ZEB2: variants seen among roughly 807,000 people sequenced by gnomAD.
ZEB2 encodes zinc finger E-box binding homeobox 2, also known as zinc finger E-box-binding homeobox 2.
ZEB2 carries 6 observed loss-of-function variants against 99.9 expected under a neutral mutation model. That is an observed-to-expected ratio of 0.06 (90% CI 0.03 to 0.12). The LOEUF (loss-of-function observed/expected upper bound fraction) is 0.12, where lower values mean the gene tolerates loss of function less well. Ranked by LOEUF, ZEB2 falls within the 10% of genes least tolerant of loss-of-function variation. The pLI is 1.00. For synonymous variants in ZEB2, 517 were observed against 542.5 expected, an observed-to-expected ratio of 0.95 and a Z score of 0.65; for missense variants, 969 against 1,502.8, an observed-to-expected ratio of 0.64 and a Z score of 5.87.
intron 9 of ZEB2, among the ~76,000 whole-genome samples, chr2:144,396,177 AT>A: frequency 6.6e-6 from 1 of 152,304 alleles, no homozygotes; most frequent in East Asian, 1.9e-4. Flanking sequence ...TAATTTCTAA[AT>A]TTGGTTTACA....
rs1353718600 is a variant in ZEB2 at position 144,518,187 on chromosome 2, A to AT, written c.-69-769dup. ...GGTTCCCTTAAATAGTTCCAGTAGA[A>AT]TTTTTTTTTTCCCTTAAGAAAGGAA... is the stretch of plus-strand genomic sequence containing the variant. On this transcript the variant is annotated intron_variant, in intron 1 of 9. Transcript: ENST00000627532. 5.3e-4 allele frequency: 78 copies of AT among 146,670 alleles called. No homozygotes were observed. In the South Asian group the frequency reaches 5.3e-3, roughly 10 times the overall value. 9.1% of individuals were successfully genotyped at this position (146,670 alleles called of 1,614,324 possible). A position where few individuals can be genotyped will look rare whatever the true frequency, so the allele number is the denominator to read the frequency against.
chr2:144,505,745 GA>G (rs1704944770), intron 2 of ZEB2, among the ~76,000 whole-genome samples: 1 of 152,158 alleles, frequency 6.6e-6, no homozygotes, highest in Non-Finnish European at 1.5e-5. Flanking sequence ...ACTGTGGCCA[GA>G]AGCCCTATCA....
chr2:144,488,662 C>CGTATGTGAGT (rs1704632529), intron 2 of ZEB2, among the ~76,000 whole-genome samples: 2 of 83,548 alleles, frequency 2.4e-5, no homozygotes, highest in African/African-American at 7.7e-5. Flanking sequence ...GATAATTGCT[C>CGTATGTGAGT]GTGTGTGAGT....
intron 2 of ZEB2, among the ~76,000 whole-genome samples, chr2:144,460,911 G>A (rs931801823): frequency 2.0e-5 from 3 of 151,938 alleles, no homozygotes; most frequent in Non-Finnish European, 4.4e-5. Flanking sequence ...ATGCTACTTT[G>A]TTTGATGTAC....
At chr2:144,492,579 C>A (rs897738452) in intron 2 of ZEB2, among the ~76,000 whole-genome samples, 1 of 152,088 alleles carries the variant, frequency 6.6e-6, no homozygotes, top group African/African-American at 2.4e-5. Flanking sequence ...AATTTGAGCC[C>A]AGATGTCCAA....
intron 3 of ZEB2, chr2:144,427,483 G>C (rs1703705123): frequency 1.3e-5 from 2 of 152,100 alleles, no homozygotes. Flanking sequence ...CAGGCACCGG[G>C]GATAAAACAC....
In ZEB2 at chr2:144,398,908, A is replaced by T; in HGVS notation, c.2279T>A (p.Leu760Gln). 1.2e-6 allele frequency: 2 copies of T among 1,614,172 alleles called. No homozygotes were observed. The highest frequency in any genetic ancestry group is 1.7e-6 in the Non-Finnish European group (2 of 1,180,032). Residue 760 changes from leucine to glutamine, a missense_variant, in exon 8 of 10, where the codon CTA becomes CAA. Physicochemically the swap from Leu to Gln is moderately radical, Grantham distance 113. This residue lies in a region of ZEB2 where 346 missense variants were observed against 460.0 expected (regional missense o/e 0.75). Transcript: ENST00000627532. ...SVTNCDPPLR[L>Q]TKPSHFTNIK... ...ATTGGTAAAATGGGAAGGTTTTGTTAGCCTGAGAGGAGGATCACAATTCGT... is the reference window on the plus strand; with the variant it reads ...ATTGGTAAAATGGGAAGGTTTTGTTTGCCTGAGAGGAGGATCACAATTCGT...
At chr2:144,517,829 C>A in intron 1 of ZEB2, 1 of 579,284 alleles carries the variant, frequency 1.7e-6, no homozygotes, top group Admixed American at 2.8e-5. Context: ...CTTTTCTCAT[C>A]CCCCCACCCC....
intron 2 of ZEB2, among the ~76,000 whole-genome samples, chr2:144,432,333 A>G (rs1031968820): frequency 2.6e-5 from 4 of 152,222 alleles, no homozygotes; most frequent in African/African-American, 9.6e-5. Flanking sequence ...AAATTCACTT[A>G]CAGAGGCAGT....
At chr2:144,484,858 C>T (rs1704571878) in intron 2 of ZEB2, among the ~76,000 whole-genome samples, 1 of 151,914 alleles carries the variant, frequency 6.6e-6, no homozygotes, top group Non-Finnish European at 1.5e-5. Flanking sequence ...AAAAAAAAAG[C>T]AACTGTCAAA....
At chr2:144,418,712 A>AC (rs1703578456) in intron 4 of ZEB2, among the ~76,000 whole-genome samples, 1 of 150,556 alleles carries the variant, frequency 6.6e-6, no homozygotes, top group African/African-American at 2.5e-5. Flanking sequence ...CAAACAAAAA[A>AC]AAAAAAAAAC....
chr2:144,429,646 T>C, intron 3 of ZEB2, 123 bp downstream of exon 3: 2 of 1,493,188 alleles, frequency 1.3e-6, no homozygotes, highest in East Asian at 4.6e-5. Context: ...ATCTCTATTC[T>C]GCAAGGGCTC....
At chr2:144,479,690 G>GGGA (rs1459031216) in intron 2 of ZEB2, among the ~76,000 whole-genome samples, 1 of 109,576 alleles carries the variant, frequency 9.1e-6, no homozygotes, top group African/African-American at 3.3e-5. Flanking sequence ...TTTTGGGGGG[G>GGGA]GGGGCGGGGG....
intron 2 of ZEB2, chr2:144,448,657 GA>G (rs1228025355): frequency 3.3e-5 from 5 of 152,332 alleles, no homozygotes; most frequent in African/African-American, 1.2e-4. Flanking sequence ...AAAATCTGGA[GA>G]GGGGGCGTGG....
At chr2:144,501,799 A>G (rs1255139700) in intron 2 of ZEB2, among the ~76,000 whole-genome samples, 1 of 152,324 alleles carries the variant, frequency 6.6e-6, no homozygotes, top group East Asian at 1.9e-4. Context: ...TGGAGATTAC[A>G]TGTCTAAATC....
At chr2:144,495,377 A>C (rs1704743667) in intron 2 of ZEB2, 2 of 152,228 alleles carry the variant, frequency 1.3e-5, no homozygotes, top group South Asian at 4.1e-4. Flanking sequence ...TTATTAAAAC[A>C]ATTGTAGAAA....
chr2:144,422,292 T>C (rs1354413119), intron 4 of ZEB2, among the ~76,000 whole-genome samples: 1 of 152,194 alleles, frequency 6.6e-6, no homozygotes, highest in Non-Finnish European at 1.5e-5. Context: ...AGAAATTGCC[T>C]CCTAGGACTC....
chr2:144,513,619 G>C lies in ZEB2; in HGVS notation c.73+3659C>G, dbSNP rs767079329. 6 of 1,531,762 alleles carry C rather than the reference G, an allele frequency of 3.9e-6. No homozygotes were observed. The South Asian group carries it at 6.0e-5, about 15-fold the overall frequency. 94.9% of individuals were successfully genotyped at this position (1,531,762 alleles called of 1,614,324 possible). ...GCTGATGCTGGAAGGTGGCGGGATG[G>C]GGAGGCAGACCCTCTTCCCGGGCTC... On this transcript the variant is annotated intron_variant, in intron 2 of 9. Coordinates refer to ENST00000627532, the MANE Select transcript of ZEB2 (RefSeq NM_014795.4).
intron 7 of ZEB2, 74 bp from the exon 8 acceptor site, chr2:144,400,344 A>G (rs899095631): frequency 6.5e-7 from 1 of 1,534,194 alleles, no homozygotes; most frequent in African/African-American, 1.4e-5. Context: ...CAAGAGAAGA[A>G]TCTGTGAAAC....
Sources: allele counts gnomAD v4.1 joint callset (sites outside exome capture counted in the v4.1 genomes callset), GRCh38; gene constraint gnomAD v4.1.1; regional missense constraint gnomAD v4.1.1; transcripts MANE v1.5; gene names NCBI Gene and HGNC (gene_info 2026-07-23, HGNC 2026-07-21).